The following SPMIP7 variants were observed in gnomAD, a reference collection of about 807,000 sequenced individuals.
The protein encoded by SPMIP7 is protein SPMIP7.
the SPMIP7 span, among the ~76,000 whole-genome samples, chr7:50,145,587 C>G: frequency 7.0e-5 from 2 of 28,426 alleles, no homozygotes; most frequent in African/African-American, 1.9e-4. Flanking sequence ...TATATATGTG[C>G]GTGTGTGTGT....
At chr7:50,142,119 A>C in the SPMIP7 span, 1 of 152,166 alleles carries the variant, frequency 6.6e-6, no homozygotes, top group African/African-American at 2.4e-5. Context: ...TCTTCCATAC[A>C]TTCTGCAAGG....
At chr7:50,150,554 A>G in the SPMIP7 span, among the ~76,000 whole-genome samples, 5 of 152,218 alleles carry the variant, frequency 3.3e-5, no homozygotes, top group Middle Eastern at 3.4e-3. Context: ...ATACAATTTA[A>G]ATCTTATTTT....
chr7:50,144,592 G>GAA, the SPMIP7 span, among the ~76,000 whole-genome samples: 1 of 152,020 alleles, frequency 6.6e-6, no homozygotes, highest in South Asian at 2.1e-4. Context: ...GCATTCTTTT[G>GAA]GAACAAATCA....
the SPMIP7 span, among the ~76,000 whole-genome samples, chr7:50,108,121 A>T: frequency 6.6e-6 from 1 of 152,204 alleles, no homozygotes. Context: ...TATTAGAAGA[A>T]ACTAAGGAAC....
the SPMIP7 span, among the ~76,000 whole-genome samples, chr7:50,158,463 C>T: frequency 3.3e-5 from 5 of 151,274 alleles, no homozygotes; most frequent in African/African-American, 1.2e-4. Context: ...CCACCGATGT[C>T]TTCTTCTGGC....
chr7:50,141,108 T>A, the SPMIP7 span, among the ~76,000 whole-genome samples: 1 of 152,246 alleles, frequency 6.6e-6, no homozygotes, highest in Non-Finnish European at 1.5e-5. Flanking sequence ...GAGAAAATTA[T>A]CTTTATATTT....
the SPMIP7 span, among the ~76,000 whole-genome samples, chr7:50,127,327 G>T: frequency 1.3e-5 from 2 of 151,820 alleles, no homozygotes; most frequent in South Asian, 4.1e-4. Context: ...ATGAGGAAAT[G>T]ATCTAGGACA....
chr7:50,131,220 T>C, the SPMIP7 span, among the ~76,000 whole-genome samples: 3 of 152,140 alleles, frequency 2.0e-5, no homozygotes, highest in Admixed American at 6.6e-5. Context: ...TCTGGATGTA[T>C]GTCGAATGTA....
chr7:50,156,644 C>A, the SPMIP7 span, among the ~76,000 whole-genome samples: 49 of 151,764 alleles, frequency 3.2e-4, no homozygotes, highest in African/African-American at 1.2e-3. Flanking sequence ...TCTCCATATC[C>A]CAGGCTCTAT....
the SPMIP7 span, among the ~76,000 whole-genome samples, chr7:50,104,757 C>A: frequency 2.0e-5 from 3 of 152,272 alleles, no homozygotes; most frequent in Middle Eastern, 6.8e-3. Flanking sequence ...GAGGACTGCA[C>A]CTTCTCATGC....
chr7:50,141,727 C>CTTTTTTTTTTTTTTTTTTTT, the SPMIP7 span: 15 of 76,854 alleles, frequency 2.0e-4, 3 homozygotes, highest in African/African-American at 6.7e-4. Flanking sequence ...AGAGGAATCA[C>CTTTTTTTTTTTTTTTTTTTT]TTTTTTTTTT....
At chr7:50,148,118 A>T in the SPMIP7 span, among the ~76,000 whole-genome samples, 1 of 152,258 alleles carries the variant, frequency 6.6e-6, no homozygotes, top group Non-Finnish European at 1.5e-5. Flanking sequence ...GTTGCACTTA[A>T]GATGGCAAAA....
the SPMIP7 span, among the ~76,000 whole-genome samples, chr7:50,112,465 G>A: frequency 6.6e-6 from 1 of 151,866 alleles, no homozygotes; most frequent in Non-Finnish European, 1.5e-5. Flanking sequence ...CCCTTCCCAG[G>A]TGAAAAGCTA....
chr7:50,149,098 T>C, the SPMIP7 span, among the ~76,000 whole-genome samples: 11 of 151,846 alleles, frequency 7.2e-5, no homozygotes, highest in African/African-American at 2.4e-4. Context: ...TGAGCCGAGA[T>C]TGTGCCACTG....
chr7:50,142,608 TTATTTATAAAA>T, the SPMIP7 span: 1 of 152,242 alleles, frequency 6.6e-6, no homozygotes, highest in Non-Finnish European at 1.5e-5. Context: ...TTTTTCATTT[TTATTTATAAAA>T]TATTTATAGA....
the SPMIP7 span, among the ~76,000 whole-genome samples, chr7:50,155,994 C>T: frequency 8.5e-5 from 13 of 152,140 alleles, no homozygotes; most frequent in Admixed American, 5.2e-4. Context: ...AGTGATGGCT[C>T]GTGCTGGGCC....
At chr7:50,151,480 G>A in the SPMIP7 span, 77 of 1,551,456 alleles carry the variant, frequency 5.0e-5, no homozygotes, top group Admixed American at 1.6e-4. Flanking sequence ...ATACCGGCAA[G>A]GTTCATTTCA....
the SPMIP7 span, among the ~76,000 whole-genome samples, chr7:50,133,915 AC>A: frequency 6.6e-6 from 1 of 152,110 alleles, no homozygotes; most frequent in East Asian, 1.9e-4. Context: ...ATCACATAAC[AC>A]AGGAGTACTA....
the SPMIP7 span, among the ~76,000 whole-genome samples, chr7:50,114,054 T>C: frequency 6.6e-6 from 1 of 151,988 alleles, no homozygotes; most frequent in African/African-American, 2.4e-5. Context: ...TAAGAAGATA[T>C]TAACTAACAA....
Sources: gnomAD v4.1 joint callset for allele counts (sites outside exome capture counted in the v4.1 genomes callset) on GRCh38, gnomAD v4.1.1 for gene constraint, MANE v1.5 for transcripts, NCBI Gene and HGNC (gene_info 2026-07-23, HGNC 2026-07-21) for gene names.